RBBP8: variants seen among roughly 807,000 people sequenced by gnomAD.
RBBP8 encodes RB binding protein 8, endonuclease.
A neutral mutation model predicts 108.3 loss-of-function variants in RBBP8; 88 were observed. That is an observed-to-expected ratio of 0.81 (90% CI 0.68 to 0.97). The LOEUF (loss-of-function observed/expected upper bound fraction) is 0.97. RBBP8 is among the 50% of genes least tolerant of loss of function. The pLI is 0.00. For missense variants in RBBP8, 1,023 were observed against 1,049.0 expected (o/e 0.98, Z 0.34); for synonymous variants, 332 against 348.2 (o/e 0.95, Z 0.52).
chr18:22,992,689 G>T, intron 10 of RBBP8, 59 bp from the exon 11 acceptor site: 1 of 1,445,982 alleles, frequency 6.9e-7, no homozygotes, highest in Non-Finnish European at 9.6e-7. Flanking sequence ...GCTTCTAAGA[G>T]GTAGATAAGA....
At chr18:22,942,665 C>T (rs1274368004) in intron 2 of RBBP8, among the ~76,000 whole-genome samples, 1 of 152,054 alleles carries the variant, frequency 6.6e-6, no homozygotes, top group Non-Finnish European at 1.5e-5. Context: ...AGTGTTTATG[C>T]TTTAAATTCC....
At chr18:22,938,862 G>A (rs909698628) in intron 2 of RBBP8, among the ~76,000 whole-genome samples, 2 of 152,200 alleles carry the variant, frequency 1.3e-5, no homozygotes, top group Non-Finnish European at 2.9e-5. Context: ...GTAGAGTCGT[G>A]TAAACAGATA....
At chr18:23,012,180 C>A (rs2046175770) in intron 16 of RBBP8, among the ~76,000 whole-genome samples, 1 of 113,466 alleles carries the variant, frequency 8.8e-6, no homozygotes, top group South Asian at 3.2e-4. Context: ...TGCACTCCAG[C>A]CTGGGAGACA....
At chr18:22,933,634 G>C (rs1456883615) in intron 1 of RBBP8, 70 bp downstream of exon 1, 1 of 152,862 alleles carries the variant, frequency 6.5e-6, no homozygotes, top group Non-Finnish European at 1.5e-5. Flanking sequence ...GTCTGGAGCT[G>C]CGTGCTTGGC....
chr18:23,012,400 G>A (rs879405292), intron 16 of RBBP8, among the ~76,000 whole-genome samples: 40 of 152,098 alleles, frequency 2.6e-4, no homozygotes, highest in Non-Finnish European at 5.0e-4. Flanking sequence ...AAATGCAAAG[G>A]AAAGTTCTTG....
intron 12 of RBBP8, among the ~76,000 whole-genome samples, chr18:22,995,079 T>G (rs1982566): frequency 0.048 from 7,270 of 152,174 alleles, 332 homozygotes; most frequent in African/African-American, 0.11. Flanking sequence ...ATTTCTGTAG[T>G]TCAAGTGCAG....
Position 22,924,127 on chromosome 18 carries a change from G to GTTTTTTTT in RBBP8, c.-153-5243_-153-5236dup, listed in dbSNP as rs33978854. ...GCATTTTTTAGTTAGTTTGTTTTTG[G>GTTTTTTTT]TTTTTTTTTTTTTTTTTTTTGAGAC... On this transcript the variant is annotated intron_variant, in intron 3 of 4. Transcript: ENST00000577588. Among the ~76,000 whole-genome samples, 30 of 108,226 alleles carry GTTTTTTTT rather than the reference G, an allele frequency of 2.8e-4. 3 individuals carry two copies. Among genetic ancestry groups the GTTTTTTTT allele is most frequent in the Non-Finnish European group, 4.0e-4 (23 of 56,796 alleles). 71.0% of individuals were successfully genotyped at this position (108,226 alleles called of 152,430 possible). A position where few individuals can be genotyped will look rare whatever the true frequency, so the allele number is the denominator to read the frequency against.
At chr18:22,971,840 T>G (rs1914111632) in intron 5 of RBBP8, among the ~76,000 whole-genome samples, 1 of 151,078 alleles carries the variant, frequency 6.6e-6, no homozygotes, top group Non-Finnish European at 1.5e-5. Flanking sequence ...AGAGAAGCGG[T>G]TTCACTATGT....
In RBBP8 at chr18:22,946,631, G is replaced by A. The variant is rs1911587403; in HGVS notation, c.152+145G>A. 6.6e-6 allele frequency: 8 copies of A among 1,210,508 alleles called. No homozygotes were observed. The South Asian group carries it at 1.4e-4, about 21-fold the overall frequency. 75.0% of individuals were successfully genotyped at this position (1,210,508 alleles called of 1,614,324 possible). A position where few individuals can be genotyped will look rare whatever the true frequency, so the allele number is the denominator to read the frequency against. ...AAAAAAAATTAGCCCTACTTAGTATGGGCCTTGGTAGTCAGCAGCAGTTTT... is the reference window on the plus strand; with the variant it reads ...AAAAAAAATTAGCCCTACTTAGTATAGGCCTTGGTAGTCAGCAGCAGTTTT... On this transcript the variant is annotated intron_variant, in intron 3 of 18. Transcript: ENST00000327155.
chr18:23,025,209 T>C (rs2046433797), intron 18 of RBBP8, among the ~76,000 whole-genome samples: 1 of 152,072 alleles, frequency 6.6e-6, no homozygotes, highest in African/African-American at 2.4e-5. Flanking sequence ...GAGCCGTTAT[T>C]GCACCACTGC....
At chr18:22,977,302 C>A (rs1356459177) in intron 6 of RBBP8, among the ~76,000 whole-genome samples, 1 of 151,856 alleles carries the variant, frequency 6.6e-6, no homozygotes, top group African/African-American at 2.4e-5. Flanking sequence ...GCTATTTGTG[C>A]CTGAAATTTC....
intron 4 of RBBP8, among the ~76,000 whole-genome samples, chr18:22,960,969 TTGA>T (rs1913051335): frequency 6.6e-6 from 1 of 152,240 alleles, no homozygotes; most frequent in Non-Finnish European, 1.5e-5. Flanking sequence ...AGTATGTTTA[TTGA>T]TGATTCAAGT....
chr18:22,932,823 T>C (rs932746131), upstream of RBBP8, among the ~76,000 whole-genome samples: 1 of 152,188 alleles, frequency 6.6e-6, no homozygotes, highest in Non-Finnish European at 1.5e-5. Context: ...GGAGATTCCT[T>C]CTCGTTTCAA....
At chr18:23,008,294 C>T (rs2046094988) in intron 16 of RBBP8, among the ~76,000 whole-genome samples, 1 of 152,020 alleles carries the variant, frequency 6.6e-6, no homozygotes, top group Non-Finnish European at 1.5e-5. Flanking sequence ...TAAAGTTACT[C>T]CTTTTATTTT....
At chr18:22,951,575 C>T (rs1351670795) in intron 4 of RBBP8, among the ~76,000 whole-genome samples, 2 of 152,292 alleles carry the variant, frequency 1.3e-5, no homozygotes, top group Non-Finnish European at 2.9e-5. Context: ...AATTCTACAG[C>T]AGACACTAGC....
intron 16 of RBBP8, among the ~76,000 whole-genome samples, chr18:23,010,825 G>C (rs2046145499): frequency 1.3e-5 from 2 of 152,134 alleles, no homozygotes; most frequent in African/African-American, 4.8e-5. Flanking sequence ...AAGATGGATT[G>C]TGTAGTATCA....
At position 22,949,674 on chromosome 18, in the gene RBBP8, A is replaced by G; in HGVS notation, c.209A>G (p.Gln70Arg). ...AAAAATCAACAGCTGAGGGAACAGC[A>G]GAAAGTCCTTCATGAAACCATTAAA... Reference protein sequence around the residue: ...FTKNQQLREQQKVLHETIKVL... With the variant: ...FTKNQQLREQRKVLHETIKVL... The change falls in exon 4 of 19, where the codon CAG becomes CGG. Residue 70 changes from glutamine to arginine, a missense_variant. By Grantham distance (43) the Gln-to-Arg change is conservative (BLOSUM62 1). Coordinates refer to ENST00000327155, the MANE Select transcript of RBBP8 (RefSeq NM_002894.3). 6.2e-7 allele frequency: 1 copy of G among 1,613,596 alleles called. No homozygotes were observed. Among genetic ancestry groups the G allele is most frequent in the Non-Finnish European group, 8.5e-7 (1 of 1,179,654 alleles).
intron 6 of RBBP8, among the ~76,000 whole-genome samples, chr18:22,980,212 C>T (rs1159070251): frequency 6.6e-6 from 1 of 152,012 alleles, no homozygotes; most frequent in Non-Finnish European, 1.5e-5. Flanking sequence ...GACCACTGCA[C>T]TCCAGCCTGG....
chr18:23,012,102 C>A (rs377601511), intron 16 of RBBP8, among the ~76,000 whole-genome samples: 2 of 143,064 alleles, frequency 1.4e-5, no homozygotes, highest in Non-Finnish European at 3.0e-5. Flanking sequence ...TGTTATACTG[C>A]GGGAGGCTGA....
Sources: allele counts gnomAD v4.1 joint callset (sites outside exome capture counted in the v4.1 genomes callset), GRCh38; gene constraint gnomAD v4.1.1; transcripts MANE v1.5; gene names NCBI Gene and HGNC (gene_info 2026-07-23, HGNC 2026-07-21).